The following CR1 variants were observed in gnomAD, a reference collection of about 807,000 sequenced individuals.
The protein encoded by CR1 is complement receptor type 1.
A neutral mutation model predicts 187.3 loss-of-function variants in CR1; 116 were observed. The ratio of observed to expected loss-of-function variants is 0.62; its 90% CI spans 0.53 to 0.72. CR1 has a LOEUF of 0.72. Ranked by LOEUF, CR1 falls within the 30% of genes least tolerant of loss-of-function variation. The pLI, the probability that CR1 is intolerant of heterozygous loss-of-function variation, is 0.00. For synonymous variants in CR1, 576 were observed against 747.1 expected, an observed-to-expected ratio of 0.77 and a Z score of 3.73; for missense variants, 1,731 against 2,110.7, an observed-to-expected ratio of 0.82 and a Z score of 3.52.
At chr1:207,579,865 T>A (rs557117537) in intron 29 of CR1, among the ~76,000 whole-genome samples, 1 of 152,312 alleles carries the variant, frequency 6.6e-6, no homozygotes, top group South Asian at 2.1e-4. Context: ...AGCCCCAATT[T>A]AGGGGCATGC....
chr1:207,617,700 T>A (rs1662190786), intron 41 of CR1, among the ~76,000 whole-genome samples: 1 of 145,378 alleles, frequency 6.9e-6, no homozygotes, highest in African/African-American at 2.5e-5. Flanking sequence ...TCCTTTGATA[T>A]ATTAGTCTGG....
At chr1:207,565,793 T>C (rs1660475227) in intron 23 of CR1, 45 bp from the exon 24 acceptor site, 1 of 1,608,546 alleles carries the variant, frequency 6.2e-7, no homozygotes, top group South Asian at 1.1e-5. Flanking sequence ...CTAAGTGTCC[T>C]CTTGGCTGAA....
chr1:207,514,988 T>TACACAC (rs1370890455), intron 4 of CR1, among the ~76,000 whole-genome samples: 5 of 127,514 alleles, frequency 3.9e-5, no homozygotes, highest in African/African-American at 1.7e-4. Context: ...AACATATATA[T>TACACAC]ATATATACAC....
At chr1:207,608,793 G>A (rs1029756853) in intron 36 of CR1, among the ~76,000 whole-genome samples, 1 of 152,110 alleles carries the variant, frequency 6.6e-6, no homozygotes, top group Non-Finnish European at 1.5e-5. Flanking sequence ...GCCAATATGT[G>A]AATATTATTA....
intron 45 of CR1, among the ~76,000 whole-genome samples, chr1:207,625,497 C>T (rs1334159345): frequency 3.9e-5 from 6 of 152,200 alleles, no homozygotes; most frequent in African/African-American, 1.4e-4. Flanking sequence ...ATTGTAACTG[C>T]CTGATGTGTT....
chr1:207,523,645 T>C lies in CR1; in HGVS notation c.522T>C (p.Asn174=). The C allele has an allele frequency of 6.2e-7, 1 of 1,613,902 alleles. No individual in the cohort carries two copies. Among genetic ancestry groups the C allele is most frequent in the Non-Finnish European group, 8.5e-7 (1 of 1,179,862 alleles). The change falls in exon 5 of 47, where the codon AAT becomes AAC. Residue 174 remains asparagine (N), a synonymous_variant. Coordinates refer to ENST00000367049, the MANE Select transcript of CR1 (RefSeq NM_000651.6). ...GTGGGCTACCCCCCACCATCACCAA[T>C]GGAGATTTCATTAGCACCAACAGAG... The part of the protein sequence containing the change: ...IPCGLPPTIT[N]GDFISTNREN...
At chr1:207,579,150 G>A (rs1660858246) in intron 29 of CR1, among the ~76,000 whole-genome samples, 1 of 152,206 alleles carries the variant, frequency 6.6e-6, no homozygotes, top group South Asian at 2.1e-4. Context: ...CAGATGTTGA[G>A]TCAAATACTC....
chr1:207,594,794 C>T (rs537767618), intron 35 of CR1, among the ~76,000 whole-genome samples: 2 of 152,268 alleles, frequency 1.3e-5, no homozygotes, highest in Admixed American at 1.3e-4. Flanking sequence ...TTCACACAAC[C>T]TCTTGCCCAA....
intron 33 of CR1, among the ~76,000 whole-genome samples, chr1:207,586,207 A>T (rs1222338041): frequency 1.1e-4 from 16 of 151,878 alleles, no homozygotes; most frequent in Admixed American, 1.1e-3. Flanking sequence ...GTGCAATCAT[A>T]GTTTACTGCA....
chr1:207,579,925 G>A (rs1452395443), intron 29 of CR1, among the ~76,000 whole-genome samples: 1 of 152,164 alleles, frequency 6.6e-6, no homozygotes, highest in South Asian at 2.1e-4. Context: ...TGCAATCAGA[G>A]AAATTGGGGG....
intron 4 of CR1, among the ~76,000 whole-genome samples, chr1:207,522,386 T>C (rs1449353590): frequency 6.6e-6 from 1 of 152,222 alleles, no homozygotes; most frequent in African/African-American, 2.4e-5. Flanking sequence ...TCAGAACACA[T>C]CAGAAGGTAT....
chr1:207,578,612 C>T (rs554713331), intron 29 of CR1, among the ~76,000 whole-genome samples: 1 of 152,216 alleles, frequency 6.6e-6, no homozygotes, highest in Non-Finnish European at 1.5e-5. Context: ...TTAATAGTGA[C>T]ATCAGCTTGA....
At chr1:207,634,569 A>G (rs1662753599) in intron 46 of CR1, among the ~76,000 whole-genome samples, 1 of 152,050 alleles carries the variant, frequency 6.6e-6, no homozygotes, top group Non-Finnish European at 1.5e-5. Context: ...AGTCCTGTGA[A>G]ATGGAAGGAG....
At chr1:207,638,599 T>C (rs1662886393) in intron 46 of CR1, among the ~76,000 whole-genome samples, 1 of 152,250 alleles carries the variant, frequency 6.6e-6, no homozygotes, top group Admixed American at 6.5e-5. Context: ...GTTGGATCAG[T>C]GCTTCCAAAC....
chr1:207,516,709 C>A (rs1434212292), intron 4 of CR1, among the ~76,000 whole-genome samples: 1 of 151,874 alleles, frequency 6.6e-6, no homozygotes, highest in Non-Finnish European at 1.5e-5. Context: ...AGTCATGTAC[C>A]TATTTCATTA....
rs1345620677 is a variant in CR1, at chr1:207,515,304, C to CTATATATATATACACA, written c.487+3659_487+3674dup. Among the ~76,000 whole-genome samples, 45 of 147,790 alleles carry CTATATATATATACACA rather than the reference C, an allele frequency of 3.0e-4. 1 individual carries two copies. In the South Asian group the frequency reaches 5.7e-3, roughly 19 times the overall value. On this transcript the variant is annotated intron_variant, in intron 4 of 46. Transcript: ENST00000367049. ...AGGTATATGTATACATATATACACACTATATATATATACACATATATATAG... is the reference window on the plus strand; with the variant it reads ...AGGTATATGTATACATATATACACACTATATATATATACACATATATATATATACACATATATATAG...
intron 35 of CR1, among the ~76,000 whole-genome samples, chr1:207,591,416 C>T (rs1661268524): frequency 1.3e-5 from 2 of 152,098 alleles, no homozygotes; most frequent in African/African-American, 4.8e-5. Context: ...AACAAAGACA[C>T]AATGTACCAG....
chr1:207,620,947 G>A (rs1662294750), intron 43 of CR1, among the ~76,000 whole-genome samples: 1 of 152,080 alleles, frequency 6.6e-6, no homozygotes, highest in South Asian at 2.1e-4. Context: ...GATAAGAAGA[G>A]ACATACAAAT....
chr1:207,628,003 C>T (rs563703153), intron 45 of CR1, among the ~76,000 whole-genome samples: 22 of 152,216 alleles, frequency 1.4e-4, no homozygotes, highest in African/African-American at 4.8e-4. Flanking sequence ...AAGGTCTCAC[C>T]TTTGAGATCC....
Sources: allele counts gnomAD v4.1 joint callset (sites outside exome capture counted in the v4.1 genomes callset), GRCh38; gene constraint gnomAD v4.1.1; transcripts MANE v1.5; gene names NCBI Gene and HGNC (gene_info 2026-07-23, HGNC 2026-07-21).